The following ATPSCKMT variants were observed in gnomAD, a reference collection of about 807,000 sequenced individuals.
ATPSCKMT encodes ATP synthase c subunit lysine N-methyltransferase, also known as ATP synthase subunit C lysine N-methyltransferase.
In ATPSCKMT, 24 loss-of-function variants were observed where a neutral mutation model predicts 24.3. The ratio of observed to expected loss-of-function variants is 0.99; its 90% CI spans 0.71 to 1.39. The LOEUF is 1.39. Among genes scored for constraint, ATPSCKMT ranks in the 40% most tolerant of loss-of-function variants. The pLI is 0.00. For synonymous variants in ATPSCKMT, 95 were observed against 110.5 expected (o/e 0.86, Z 0.88); for missense variants, 311 against 298.4 (o/e 1.04, Z -0.31).
chr5:10,244,216 AG>A (rs1343749555), intron 1 of ATPSCKMT, among the ~76,000 whole-genome samples: 1 of 152,238 alleles, frequency 6.6e-6, no homozygotes, highest in Non-Finnish European at 1.5e-5. Context: ...CATTTACAAT[AG>A]AAACATCAAA....
rs749166435 is a variant in ATPSCKMT at position 10,227,218 on chromosome 5, G to A, written c.*223C>T. The A allele has an allele frequency of 5.6e-6, 3 of 538,780 alleles. No individual in the cohort carries two copies. Among genetic ancestry groups the A allele is most frequent in the African/African-American group, 1.9e-5 (1 of 52,516 alleles). 33.4% of individuals were successfully genotyped at this position (538,780 alleles called of 1,614,324 possible). ...TATTCATCTTTTCATGCATCCAGGT[G>A]CATGGAAAGGCAGTAAGTACAATTT... On this transcript the variant is annotated 3_prime_UTR_variant, in exon 5 of 5. Transcript: ENST00000511437.
chr5:10,237,754 C>CTT (rs34275146), intron 2 of ATPSCKMT, among the ~76,000 whole-genome samples: 41 of 149,736 alleles, frequency 2.7e-4, no homozygotes, highest in Non-Finnish European at 4.7e-4. Flanking sequence ...TAATATATTT[C>CTT]TTTTTTTTTT....
intron 1 of ATPSCKMT, 173 bp downstream of exon 1, chr5:10,249,685 G>T: frequency 2.8e-6 from 3 of 1,059,080 alleles, no homozygotes; most frequent in Non-Finnish European, 4.0e-6. Flanking sequence ...ACCGGCGCGG[G>T]CACCGCGCGG....
chr5:10,227,719 T>C, intron 4 of ATPSCKMT, 72 bp from the exon 5 acceptor site: 1 of 1,445,748 alleles, frequency 6.9e-7, no homozygotes, highest in South Asian at 1.2e-5. Flanking sequence ...TTCCTGTTTT[T>C]AAGAGTCCCT....
rs1452560871 is a variant in ATPSCKMT at position 10,227,153 on chromosome 5, T to C, written c.*288A>G. The C allele has an allele frequency of 9.7e-6, 4 of 413,580 alleles. No homozygotes were observed. The highest frequency in any genetic ancestry group is 1.3e-5 in the Non-Finnish European group (3 of 223,414). 25.6% of individuals were successfully genotyped at this position (413,580 alleles called of 1,614,324 possible). On this transcript the variant is annotated 3_prime_UTR_variant, in exon 5 of 5. Transcript: ENST00000511437. The stretch of plus-strand genomic sequence containing the variant: ...ATATTGTTTATAATGTGAAGAGCTA[T>C]TGGCATCTTATTTTCCTACCCATAA...
intron 4 of ATPSCKMT, among the ~76,000 whole-genome samples, chr5:10,230,070 A>G (rs1349444156): frequency 2.6e-5 from 4 of 152,252 alleles, no homozygotes; most frequent in Non-Finnish European, 2.9e-5. Flanking sequence ...AAAGTAACCA[A>G]GATGAAATTG....
intron 1 of ATPSCKMT, among the ~76,000 whole-genome samples, chr5:10,240,028 C>T (rs1744556317): frequency 1.3e-5 from 2 of 151,066 alleles, no homozygotes. Flanking sequence ...ACATCGAGAC[C>T]ATCCTGGCTA....
In ATPSCKMT at chr5:10,225,516, G is replaced by T. The variant is rs979224665; in HGVS notation, c.*1925C>A. Among the ~76,000 whole-genome samples the T allele has an allele frequency of 3.3e-5, 5 of 152,304 alleles. No individual in the cohort carries two copies. The highest frequency in any genetic ancestry group is 4.1e-4 in the South Asian group (2 of 4,820). On this transcript the variant is annotated 3_prime_UTR_variant, in exon 5 of 5. Transcript: ENST00000511437. ...ACCTGAGGCTGGGCGATTTACAAAA[G>T]AAAGAGCTTTAATTGGACTTACAGT...
At chr5:10,230,844 T>G (rs7704126) in intron 4 of ATPSCKMT, among the ~76,000 whole-genome samples, 2 of 151,754 alleles carry the variant, frequency 1.3e-5, no homozygotes, top group Non-Finnish European at 2.9e-5. Flanking sequence ...CCTAATTTCC[T>G]AGACCTCTAA....
chr5:10,241,737 C>A (rs534120834), intron 1 of ATPSCKMT, among the ~76,000 whole-genome samples: 141 of 152,280 alleles, frequency 9.3e-4, no homozygotes, highest in Non-Finnish European at 1.8e-3. Flanking sequence ...GAGGAACTTA[C>A]AGGCATACCT....
chr5:10,247,435 G>A (rs1487955627), intron 1 of ATPSCKMT, among the ~76,000 whole-genome samples: 1 of 152,170 alleles, frequency 6.6e-6, no homozygotes, highest in Non-Finnish European at 1.5e-5. Flanking sequence ...TGACCTCTCA[G>A]GCTCAAACGA....
chr5:10,243,986 T>C (rs1331443676), intron 1 of ATPSCKMT, among the ~76,000 whole-genome samples: 1 of 152,244 alleles, frequency 6.6e-6, no homozygotes, highest in Non-Finnish European at 1.5e-5. Context: ...AATTTCTAGC[T>C]TTTCATTTAA....
rs114778738 is a variant in ATPSCKMT at position 10,248,760 on chromosome 5, T to C, written c.16+1098A>G. 9.9e-3 allele frequency among the ~76,000 whole-genome samples: 1,513 copies of C among 152,370 alleles called. 23 individuals are homozygous for C. Among genetic ancestry groups the C allele is most frequent in the African/African-American group, 0.033 (1,373 of 41,582 alleles). On this transcript the variant is annotated intron_variant, in intron 1 of 4. Transcript: ENST00000511437. The stretch of plus-strand genomic sequence containing the variant: ...GTGCATGTATTCATTTCAGCACTTA[T>C]TGAGTGCCTAATAAAGTCTGGGAAT...
chr5:10,230,157 C>T (rs1405783478), intron 4 of ATPSCKMT, among the ~76,000 whole-genome samples: 2 of 151,902 alleles, frequency 1.3e-5, no homozygotes, highest in East Asian at 1.9e-4. Context: ...ACATGACCTA[C>T]AGCTGGAATG....
chr5:10,239,099 G>C lies in ATPSCKMT; in HGVS notation c.274C>G (p.Leu92Val), dbSNP rs1264401656. The C allele has an allele frequency of 1.1e-5, 17 of 1,614,044 alleles. No homozygotes were observed. Among genetic ancestry groups the C allele is most frequent in the Non-Finnish European group, 1.4e-5 (17 of 1,180,034 alleles). The change falls in exon 2 of 5, where the codon CTT becomes GTT. Residue 92 changes from leucine (L) to valine (V), a missense_variant. Physicochemically the swap from Leu to Val is conservative, Grantham distance 32. Coordinates refer to ENST00000511437, the MANE Select transcript of ATPSCKMT (RefSeq NM_199133.4). Reference sequence around the variant, plus strand: ...CCGTCCCCACTACCGATGTCCACAAGGGATCCTCTTCGGCATCGCAACATT... The same window carrying C: ...CCGTCCCCACTACCGATGTCCACAACGGATCCTCTTCGGCATCGCAACATT... ...VKMLRCRRGS[L>V]VDIGSGDGRI... is the part of the protein sequence containing the mutation.
At chr5:10,249,578 C>T in intron 1 of ATPSCKMT, 1 of 429,762 alleles carries the variant, frequency 2.3e-6, no homozygotes, top group Non-Finnish European at 4.1e-6. Context: ...CCTCCACTAT[C>T]CCTATTCCTT....
chr5:10,249,785 T>C, intron 1 of ATPSCKMT, 73 bp downstream of exon 1: 3 of 1,527,034 alleles, frequency 2.0e-6, no homozygotes, highest in Non-Finnish European at 2.6e-6. Context: ...AGACCTCAGC[T>C]GACCGCGAGC....
intron 4 of ATPSCKMT, among the ~76,000 whole-genome samples, chr5:10,232,022 G>A (rs1403923211): frequency 6.6e-6 from 1 of 152,186 alleles, no homozygotes; most frequent in East Asian, 1.9e-4. Context: ...GGGCAACATA[G>A]TGAGACTCTG....
At chr5:10,227,787 C>T (rs1743951047) in intron 4 of ATPSCKMT, 140 bp from the exon 5 acceptor site, 1 of 682,338 alleles carries the variant, frequency 1.5e-6, no homozygotes, top group Non-Finnish European at 2.5e-6. Context: ...GACACAAACA[C>T]ATAAACAAAC....
Sources: allele counts gnomAD v4.1 joint callset (sites outside exome capture counted in the v4.1 genomes callset), GRCh38; gene constraint gnomAD v4.1.1; transcripts MANE v1.5; gene names NCBI Gene and HGNC (gene_info 2026-07-23, HGNC 2026-07-21).